Variants in CALN1 observed in about 807,000 individuals in gnomAD.
CALN1 encodes calneuron 1.
CALN1 carries 17 observed loss-of-function variants against 30.6 expected under a neutral mutation model. The ratio of observed to expected loss-of-function variants is 0.56; its 90% CI spans 0.38 to 0.83. The LOEUF is 0.83. CALN1 is among the 40% of genes least tolerant of loss of function. The pLI is 0.00. For missense variants in CALN1, 291 were observed against 354.9 expected, an observed-to-expected ratio of 0.82 and a Z score of 1.45; for synonymous variants, 156 against 131.4, an observed-to-expected ratio of 1.19 and a Z score of -1.28.
At chr7:71,955,631 G>C (rs918221884) in intron 5 of CALN1, among the ~76,000 whole-genome samples, 1 of 151,996 alleles carries the variant, frequency 6.6e-6, no homozygotes, top group Admixed American at 6.6e-5. Flanking sequence ...ATACTGCATT[G>C]CCTTCCTTAG....
At chr7:72,502,005 A>G in the CALN1 span, among the ~76,000 whole-genome samples, 2 of 137,040 alleles carry the variant, frequency 1.5e-5, no homozygotes, top group Non-Finnish European at 3.1e-5. Context: ...ATATATATAC[A>G]CACATATATA....
chr7:72,431,769 G>A (rs901483186), intron 1 of CALN1, among the ~76,000 whole-genome samples: 1 of 150,370 alleles, frequency 6.7e-6, no homozygotes, highest in African/African-American at 2.4e-5. Context: ...TGGAGTCCAG[G>A]AGTTCAAAAC....
chr7:72,159,303 G>C (rs1787938127), intron 3 of CALN1, among the ~76,000 whole-genome samples: 1 of 152,130 alleles, frequency 6.6e-6, no homozygotes, highest in Non-Finnish European at 1.5e-5. Context: ...TAAAGAACTA[G>C]AGCCTGGGCA....
intron 2 of CALN1, among the ~76,000 whole-genome samples, chr7:72,343,783 C>A (rs542991429): frequency 3.5e-4 from 53 of 152,268 alleles, no homozygotes; most frequent in African/African-American, 1.2e-3. Context: ...ATTACTGTTT[C>A]TCTGCTGGGT....
At position 71,981,099 on chromosome 7, in the gene CALN1, A is replaced by G. The variant is rs552148679; in HGVS notation, c.501+42558T>C. Among the ~76,000 whole-genome samples the G allele has an allele frequency of 3.9e-5, 6 of 152,294 alleles. No individual in the cohort carries two copies. In the South Asian group the frequency reaches 1.2e-3, roughly 32 times the overall value. ...GTGGACACCGGGAATCATTCACCGC[A>G]GTGCTATGATATATATTAGTTTTTA... On this transcript the variant is annotated intron_variant, in intron 5 of 6. Coordinates refer to ENST00000395275, the MANE Select transcript of CALN1 (RefSeq NM_031468.4).
chr7:72,288,554 C>T (rs907690959), intron 2 of CALN1, among the ~76,000 whole-genome samples: 22 of 152,290 alleles, frequency 1.4e-4, no homozygotes, highest in African/African-American at 4.6e-4. Flanking sequence ...TTTAAAAACA[C>T]CTTAATGATT....
At chr7:72,240,622 C>T (rs938780290) in intron 3 of CALN1, among the ~76,000 whole-genome samples, 1 of 152,202 alleles carries the variant, frequency 6.6e-6, no homozygotes, top group Non-Finnish European at 1.5e-5. Context: ...CTCTAAACTG[C>T]CATTCTCTGT....
intron 2 of CALN1, among the ~76,000 whole-genome samples, chr7:72,360,479 A>T (rs951702842): frequency 1.3e-5 from 2 of 151,908 alleles, no homozygotes; most frequent in African/African-American, 4.8e-5. Context: ...ATGTTTATAG[A>T]TGCATACAAA....
intron 3 of CALN1, among the ~76,000 whole-genome samples, chr7:72,106,596 AAG>A (rs1163355050): frequency 6.8e-6 from 1 of 147,468 alleles, no homozygotes. Context: ...GGGAGAGTGG[AAG>A]AGAGGAATGA....
chr7:72,442,939 A>AGGGTTGCACTTATTTC (rs1363228932), intron 1 of CALN1, among the ~76,000 whole-genome samples: 1 of 152,116 alleles, frequency 6.6e-6, no homozygotes, highest in Non-Finnish European at 1.5e-5. Context: ...GCACTTATTT[A>AGGGTTGCACTTATTTC]GGATTGCACT....
At chr7:72,490,019 T>C in the CALN1 span, among the ~76,000 whole-genome samples, 1 of 152,214 alleles carries the variant, frequency 6.6e-6, no homozygotes, top group African/African-American at 2.4e-5. Context: ...CTTTCTTTGG[T>C]GTCTTTGCTG....
At chr7:72,003,150 T>C (rs1799609337) in intron 5 of CALN1, among the ~76,000 whole-genome samples, 1 of 152,176 alleles carries the variant, frequency 6.6e-6, no homozygotes, top group African/African-American at 2.4e-5. Flanking sequence ...ATCTATACAA[T>C]TTTTATTTGC....
chr7:71,842,495 T>C (rs1407195547), intron 5 of CALN1, among the ~76,000 whole-genome samples: 1 of 152,218 alleles, frequency 6.6e-6, no homozygotes, highest in African/African-American at 2.4e-5. Context: ...CTTCCTGGGA[T>C]TCTGGCAGCA....
chr7:71,924,555 A>C (rs990216614), intron 5 of CALN1, among the ~76,000 whole-genome samples: 2 of 152,160 alleles, frequency 1.3e-5, no homozygotes, highest in African/African-American at 4.8e-5. Flanking sequence ...AATCCATGCT[A>C]TCTCAGATAA....
chr7:72,432,236 T>A (rs1291185094), intron 1 of CALN1, among the ~76,000 whole-genome samples: 2 of 152,212 alleles, frequency 1.3e-5, no homozygotes, highest in South Asian at 4.1e-4. Flanking sequence ...TACACTCTCT[T>A]GCCTGCCACC....
intron 2 of CALN1, among the ~76,000 whole-genome samples, chr7:72,386,423 C>T (rs1194745542): frequency 2.0e-5 from 3 of 152,074 alleles, no homozygotes; most frequent in Admixed American, 6.6e-5. Context: ...TATACATAAG[C>T]GTTTTAGTTG....
chr7:72,232,495 C>G (rs1391832805), intron 3 of CALN1, among the ~76,000 whole-genome samples: 14 of 152,194 alleles, frequency 9.2e-5, no homozygotes, highest in African/African-American at 3.4e-4. Flanking sequence ...GAGTCTCACT[C>G]TGTTGCCCAG....
chr7:72,215,987 T>C (rs1792775327), intron 3 of CALN1, among the ~76,000 whole-genome samples: 1 of 152,146 alleles, frequency 6.6e-6, no homozygotes, highest in African/African-American at 2.4e-5. Flanking sequence ...ACTCCTCCTG[T>C]TCAGTTCTAC....
chr7:72,276,993 G>T (rs909902582), intron 3 of CALN1, among the ~76,000 whole-genome samples: 2 of 152,184 alleles, frequency 1.3e-5, no homozygotes, highest in African/African-American at 4.8e-5. Flanking sequence ...CATCAAATCT[G>T]CTGGCACCTT....
Sources: allele counts gnomAD v4.1 joint callset (sites outside exome capture counted in the v4.1 genomes callset), GRCh38; gene constraint gnomAD v4.1.1; transcripts MANE v1.5; gene names NCBI Gene and HGNC (gene_info 2026-07-23, HGNC 2026-07-21).